The following DOCK3 variants were observed in gnomAD, a reference collection of about 807,000 sequenced individuals.
The protein encoded by DOCK3 is dedicator of cytokinesis 3, also known as dedicator of cytokinesis protein 3.
Under a neutral mutation model 265.6 loss-of-function variants are expected in DOCK3, and 60 were observed. The observed-to-expected ratio is 0.23, with a 90% CI of 0.18 to 0.28. DOCK3 has a LOEUF of 0.28. DOCK3 is among the 10% of genes least tolerant of loss of function. DOCK3 has a pLI of 1.00. For synonymous variants in DOCK3, 881 were observed against 938.0 expected (o/e 0.94, Z 1.11); for missense variants, 1,981 against 2,594.3 (o/e 0.76, Z 5.14).
chr3:51,290,165 C>T (rs190352665), intron 27 of DOCK3, among the ~76,000 whole-genome samples: 3 of 152,106 alleles, frequency 2.0e-5, no homozygotes, highest in Admixed American at 1.3e-4. Flanking sequence ...TACCATTTGA[C>T]GCAGCCATCC....
chr3:51,311,141 C>T (rs2083047720), intron 28 of DOCK3, among the ~76,000 whole-genome samples: 1 of 152,242 alleles, frequency 6.6e-6, no homozygotes, highest in Non-Finnish European at 1.5e-5. Context: ...TTGTTTCTAT[C>T]TCTTAGCTCC....
chr3:50,813,193 A>G (rs886855326), intron 2 of DOCK3, among the ~76,000 whole-genome samples: 11 of 152,230 alleles, frequency 7.2e-5, no homozygotes, highest in Non-Finnish European at 1.2e-4. Context: ...TGACTTAACA[A>G]TGGAGTTATG....
intron 40 of DOCK3, among the ~76,000 whole-genome samples, chr3:51,351,863 G>T (rs1019924201): frequency 7.9e-5 from 12 of 152,056 alleles, no homozygotes; most frequent in Non-Finnish European, 8.8e-5. Context: ...CTCCATGTTG[G>T]TCAGGCTGGT....
chr3:51,001,610 C>T (rs1320639277), intron 5 of DOCK3, among the ~76,000 whole-genome samples: 1 of 152,146 alleles, frequency 6.6e-6, no homozygotes, highest in Non-Finnish European at 1.5e-5. Flanking sequence ...CTAACAATCA[C>T]AAATACCGTG....
intron 1 of DOCK3, chr3:50,685,491 A>G (rs2034726717): frequency 1.3e-5 from 2 of 152,658 alleles, no homozygotes; most frequent in African/African-American, 4.8e-5. Context: ...TATGACGGTT[A>G]TGATGTTAAT....
In DOCK3 at chr3:51,335,019, C is replaced by G. The variant is rs1462319896; in HGVS notation, c.3611+1766C>G. 2.0e-5 allele frequency among the ~76,000 whole-genome samples: 3 copies of G among 152,168 alleles called. No homozygotes were observed. The East Asian group carries it at 5.8e-4, about 29-fold the overall frequency. ...GTCCCCAGTACTCATGCCCTACACA[C>G]CAGCCTCCCAGTGTTGCTTCTTGCT... On this transcript the variant is annotated intron_variant, in intron 35 of 52. Coordinates refer to ENST00000266037, the MANE Select transcript of DOCK3 (RefSeq NM_004947.5).
In DOCK3 at chr3:51,280,252, C is replaced by T. The variant is rs1371612211; in HGVS notation, c.2922+48C>T. The stretch of plus-strand genomic sequence containing the variant: ...TCTGGGAGAGGAAGTGTGCAGCCAG[C>T]ACTCCCCAGGGGCTTTTTCCCTGTC... On this transcript the variant is annotated intron_variant, in intron 27 of 52. Transcript: ENST00000266037. The T allele has an allele frequency of 1.9e-6, 3 of 1,557,838 alleles. No individual in the cohort carries two copies. The Admixed American group carries it at 5.3e-5, about 28-fold the overall frequency.
At chr3:51,264,861 T>TAAA (rs1366976951) in intron 23 of DOCK3, among the ~76,000 whole-genome samples, 7 of 150,840 alleles carry the variant, frequency 4.6e-5, no homozygotes, top group Non-Finnish European at 7.4e-5. Flanking sequence ...AATAAATAAC[T>TAAA]TAGATCAGAA....
chr3:51,077,964 C>T (rs1250235092), intron 7 of DOCK3, among the ~76,000 whole-genome samples: 4 of 152,150 alleles, frequency 2.6e-5, no homozygotes, highest in Non-Finnish European at 4.4e-5. Context: ...AGACAAAGCT[C>T]TCACATAATG....
intron 40 of DOCK3, among the ~76,000 whole-genome samples, chr3:51,352,917 ACT>A (rs1560488105): frequency 1.3e-5 from 2 of 151,702 alleles, no homozygotes; most frequent in African/African-American, 4.8e-5. Flanking sequence ...AGGCTAGGCT[ACT>A]CTCCTACCAT....
At chr3:51,305,716 CTGTGTGTGTGTGTGTGCGCGTGTG>C (rs1384149832) in intron 27 of DOCK3, among the ~76,000 whole-genome samples, 45 of 66,982 alleles carry the variant, frequency 6.7e-4, no homozygotes, top group Middle Eastern at 0.013. Context: ...GTGTGTGTGT[CTGTGTGTGTGTGTGTGCGCGTGTG>C]TGTGTGTGTG....
At chr3:50,938,944 G>A (rs1208933193) in intron 5 of DOCK3, among the ~76,000 whole-genome samples, 1 of 149,548 alleles carries the variant, frequency 6.7e-6, no homozygotes, top group African/African-American at 2.5e-5. Flanking sequence ...AAAATGAAGA[G>A]CAGAAATTAA....
In DOCK3 at chr3:51,189,437, C is replaced by CTA. The variant is rs905575364; in HGVS notation, c.1038-19336_1038-19335dup. On this transcript the variant is annotated intron_variant, in intron 12 of 52. Transcript: ENST00000266037. Reference sequence around the variant, plus strand: ...CTCCCACCCTCCCCTTTCTGAGTCTCTAAAGTTCATTATATCACTCCTTAT... The same window carrying CTA: ...CTCCCACCCTCCCCTTTCTGAGTCTCTATAAAGTTCATTATATCACTCCTTAT... 3.7e-4 allele frequency among the ~76,000 whole-genome samples: 57 copies of CTA among 152,194 alleles called. 1 individual carries two copies. Among genetic ancestry groups the CTA allele is most frequent in the Middle Eastern group, 3.4e-3 (1 of 294 alleles).
At chr3:51,352,686 A>G (rs1319205473) in intron 40 of DOCK3, among the ~76,000 whole-genome samples, 3 of 152,222 alleles carry the variant, frequency 2.0e-5, no homozygotes, top group African/African-American at 7.2e-5. Context: ...CCCACATGCT[A>G]CCTTCCCTTA....
At chr3:51,027,221 A>T (rs2079859982) in intron 5 of DOCK3, among the ~76,000 whole-genome samples, 1 of 152,050 alleles carries the variant, frequency 6.6e-6, no homozygotes, top group South Asian at 2.1e-4. Context: ...AGTTGTCCAG[A>T]AGCAACTCAT....
intron 32 of DOCK3, among the ~76,000 whole-genome samples, chr3:51,325,218 GA>G (rs1197832003): frequency 1.2e-4 from 18 of 144,556 alleles, no homozygotes; most frequent in East Asian, 4.0e-4. Context: ...AAATTTACAA[GA>G]AAAAAAAAAC....
intron 4 of DOCK3, chr3:50,901,048 A>T (rs993690127): frequency 3.6e-5 from 11 of 307,944 alleles, no homozygotes; most frequent in African/African-American, 2.3e-4. Flanking sequence ...AGGCTGGAAC[A>T]TTTAAGTCTG....
At chr3:51,089,199 T>C in intron 7 of DOCK3, 44 bp from the exon 8 acceptor site, 1 of 1,567,414 alleles carries the variant, frequency 6.4e-7, no homozygotes, top group African/African-American at 1.4e-5. Context: ...TAAAATTTAG[T>C]TTCTTTCCCG....
At chr3:50,910,060 A>G (rs1247450704) in intron 4 of DOCK3, among the ~76,000 whole-genome samples, 1 of 151,888 alleles carries the variant, frequency 6.6e-6, no homozygotes, top group Non-Finnish European at 1.5e-5. Context: ...TTTTACTTTT[A>G]GCTTCATCAG....
Sources: gnomAD v4.1 joint callset for allele counts (sites outside exome capture counted in the v4.1 genomes callset) on GRCh38, gnomAD v4.1.1 for gene constraint, MANE v1.5 for transcripts, NCBI Gene and HGNC (gene_info 2026-07-23, HGNC 2026-07-21) for gene names.